Variants in GAS7 observed in about 807,000 individuals in gnomAD.
GAS7 encodes growth arrest specific 7.
In GAS7, 28 loss-of-function variants were observed where a neutral mutation model predicts 71.1. The observed-to-expected ratio is 0.39, with a 90% confidence interval of 0.29 to 0.54. The LOEUF (loss-of-function observed/expected upper bound fraction) is 0.54. GAS7 is among the 20% of genes least tolerant of loss of function. The pLI is 0.62. For synonymous variants in GAS7, 258 were observed against 245.8 expected (o/e 1.05, Z -0.46); for missense variants, 436 against 627.8 (o/e 0.69, Z 3.27).
intron 2 of GAS7, among the ~76,000 whole-genome samples, chr17:10,014,773 C>G (rs1477985928): frequency 6.6e-6 from 1 of 152,178 alleles, no homozygotes; most frequent in East Asian, 1.9e-4. Flanking sequence ...CAGACAGCAT[C>G]TAGTTTGATT....
At chr17:9,991,431 A>T (rs950111117) in intron 2 of GAS7, among the ~76,000 whole-genome samples, 1 of 152,184 alleles carries the variant, frequency 6.6e-6, no homozygotes, top group Non-Finnish European at 1.5e-5. Context: ...CATTTCACAG[A>T]TGATACAGAA....
chr17:9,977,965 C>T (rs533211908), intron 3 of GAS7, among the ~76,000 whole-genome samples: 1 of 152,210 alleles, frequency 6.6e-6, no homozygotes, highest in African/African-American at 2.4e-5. Flanking sequence ...GTAACCCCAG[C>T]ACTTTGGGAG....
intron 5 of GAS7, among the ~76,000 whole-genome samples, chr17:9,955,787 G>A (rs913028239): frequency 6.6e-6 from 1 of 152,170 alleles, no homozygotes; most frequent in African/African-American, 2.4e-5. Flanking sequence ...CCAGCAGGCA[G>A]TCCCACCCTC....
chr17:10,150,559 C>G (rs2074157130), intron 1 of GAS7, among the ~76,000 whole-genome samples: 1 of 148,508 alleles, frequency 6.7e-6, no homozygotes, highest in Admixed American at 6.8e-5. Context: ...AAATTGGAGT[C>G]ATCTGGACTC....
chr17:10,190,689 C>T (rs1239330911), intron 1 of GAS7, among the ~76,000 whole-genome samples: 1 of 151,860 alleles, frequency 6.6e-6, no homozygotes, highest in Admixed American at 6.6e-5. Flanking sequence ...TATCAGGGAA[C>T]TTGGTGGACA....
intron 1 of GAS7, among the ~76,000 whole-genome samples, chr17:10,135,191 A>ATTTCTAGG (rs1273846719): frequency 4.6e-4 from 70 of 152,156 alleles, no homozygotes; most frequent in African/African-American, 1.7e-3. Flanking sequence ...TTTCTAGGAA[A>ATTTCTAGG]AAGGTGGTAA....
intron 1 of GAS7, among the ~76,000 whole-genome samples, chr17:10,174,771 C>A (rs2074360970): frequency 6.6e-6 from 1 of 152,148 alleles, no homozygotes; most frequent in Non-Finnish European, 1.5e-5. Context: ...GCCCCAGGTT[C>A]AGACAGAATT....
rs79756942 is a variant in GAS7, at chr17:9,925,495, C to T, written c.1119G>A (p.Arg373=). Residue 373 remains arginine, a synonymous_variant, in exon 11 of 14, where the codon CGG becomes CGA. Transcript: ENST00000432992. ...ACTTACCAGCCTGTGTGGACTTTCT[C>T]CGCGCCTTCTTGATGTCCTCCTCTG... ...NKTEEDIKKA[R]RKSTQAGDDL... 6,719 of 1,614,180 alleles carry T rather than the reference C, an allele frequency of 4.2e-3. 16 individuals carry two copies. Among genetic ancestry groups the T allele is most frequent in the Non-Finnish European group, 4.9e-3 (5,821 of 1,180,022 alleles).
intron 8 of GAS7, among the ~76,000 whole-genome samples, chr17:9,935,136 AC>A (rs1302679146): frequency 7.2e-5 from 11 of 152,202 alleles, no homozygotes; most frequent in Non-Finnish European, 1.5e-4. Flanking sequence ...GGGAAGATGG[AC>A]TGTGTGGGTC....
intron 1 of GAS7, among the ~76,000 whole-genome samples, chr17:10,191,429 G>A (rs2074498509): frequency 6.6e-6 from 1 of 151,900 alleles, no homozygotes; most frequent in African/African-American, 2.4e-5. Context: ...AATTAGCCAG[G>A]CATGGTGGCA....
chr17:9,981,765 G>A lies in GAS7; in HGVS notation c.385+39C>T. 9.0e-7 allele frequency: 1 copy of A among 1,108,654 alleles called. No homozygotes were observed. Among genetic ancestry groups the A allele is most frequent in the Admixed American group, 1.7e-5 (1 of 59,196 alleles). 68.7% of individuals were successfully genotyped at this position (1,108,654 alleles called of 1,614,324 possible). On this transcript the variant is annotated intron_variant, in intron 3 of 13. Transcript: ENST00000432992. This position sits in a 1 kb window ranked among gnomAD's most constrained non-coding sequence, Gnocchi z 4.4. Reference sequence around the variant, plus strand: ...GCCTCTCCACTGAATGTGGCATCAGGGCCCTCCCAGTTGCCCCAAAGCAGA... The same window carrying A: ...GCCTCTCCACTGAATGTGGCATCAGAGCCCTCCCAGTTGCCCCAAAGCAGA...
chr17:10,185,301 G>A (rs2074444065), intron 1 of GAS7, among the ~76,000 whole-genome samples: 1 of 152,076 alleles, frequency 6.6e-6, no homozygotes, highest in Admixed American at 6.6e-5. Context: ...GTCCAGAGAG[G>A]GCATGGAAGC....
intron 1 of GAS7, among the ~76,000 whole-genome samples, chr17:10,031,956 C>T (rs1199443397): frequency 2.6e-5 from 4 of 151,942 alleles, no homozygotes; most frequent in Admixed American, 6.5e-5. Context: ...GCCTAAAGGC[C>T]TTATGACTGT....
At chr17:10,084,840 G>A (rs2073499724) in intron 1 of GAS7, among the ~76,000 whole-genome samples, 1 of 152,108 alleles carries the variant, frequency 6.6e-6, no homozygotes, top group Non-Finnish European at 1.5e-5. Flanking sequence ...CACTTTCTCT[G>A]TAGGGCTATT....
chr17:9,996,363 T>A (rs144026812), intron 2 of GAS7, among the ~76,000 whole-genome samples: 1 of 140,292 alleles, frequency 7.1e-6, no homozygotes, highest in Admixed American at 7.9e-5. Flanking sequence ...TAGGTGGGAA[T>A]TGAACAATGA....
intron 1 of GAS7, among the ~76,000 whole-genome samples, chr17:10,042,414 C>T (rs71358283): frequency 1.3e-5 from 2 of 151,984 alleles, no homozygotes; most frequent in East Asian, 3.9e-4. Flanking sequence ...CCCAAGCAGT[C>T]TCTAGGGTAC....
chr17:10,160,125 T>C (rs2074240351), intron 1 of GAS7, among the ~76,000 whole-genome samples: 1 of 152,098 alleles, frequency 6.6e-6, no homozygotes, highest in Admixed American at 6.6e-5. Context: ...AGGCTGGTCT[T>C]GAACTCCTGA....
intron 2 of GAS7, among the ~76,000 whole-genome samples, chr17:9,995,627 G>A (rs2071012445): frequency 6.6e-6 from 1 of 152,016 alleles, no homozygotes; most frequent in East Asian, 1.9e-4. Flanking sequence ...TCACCCATGG[G>A]GAAAATAACC....
chr17:9,934,410 TCA>T (rs1226189506), intron 8 of GAS7, among the ~76,000 whole-genome samples, 166 bp from the exon 9 acceptor site: 1 of 151,936 alleles, frequency 6.6e-6, no homozygotes, highest in Non-Finnish European at 1.5e-5. Flanking sequence ...ACGTTTCAAC[TCA>T]CAGAGTCAGA....
Sources: gnomAD v4.1 joint callset for allele counts (sites outside exome capture counted in the v4.1 genomes callset) on GRCh38, gnomAD v4.1.1 for gene constraint, Gnocchi (gnomAD v3.1) non-coding constraint, MANE v1.5 for transcripts, NCBI Gene and HGNC (gene_info 2026-07-23, HGNC 2026-07-21) for gene names.